The following TET3 variants were observed in gnomAD, a reference collection of about 807,000 sequenced individuals.
TET3 encodes the protein methylcytosine dioxygenase TET3.
A neutral mutation model predicts 141.4 loss-of-function variants in TET3; 19 were observed. The observed-to-expected ratio is 0.13, with a 90% CI of 0.09 to 0.20. The LOEUF (loss-of-function observed/expected upper bound fraction) is 0.20. Ranked by LOEUF, TET3 falls within the 10% of genes least tolerant of loss-of-function variation. The probability of loss-of-function intolerance (pLI) is 1.00; values close to 1 mark genes in which losing one functional copy is unlikely to be tolerated. For missense variants in TET3, 1,874 were observed against 2,356.9 expected, an observed-to-expected ratio of 0.80 and a Z score of 4.24; for synonymous variants, 1,043 against 980.9, an observed-to-expected ratio of 1.06 and a Z score of -1.18.
Position 74,046,250 on chromosome 2 carries a change from C to CT in TET3, c.361-28_361-27insT. On this transcript the variant is annotated intron_variant, in intron 3 of 11. Transcript: ENST00000409262. This position sits in a 1 kb window ranked among gnomAD's most constrained non-coding sequence, Gnocchi z 4.3. ...TTCAAATAGTGTGGTTCATTTTTTT[C>CT]CTTTTTCCCCCTTCTCTCTCTCTTT... is the stretch of plus-strand genomic sequence containing the variant. 6.8e-7 allele frequency: 1 copy of CT among 1,463,492 alleles called. No homozygotes were observed. The highest frequency in any genetic ancestry group is 9.0e-7 in the Non-Finnish European group (1 of 1,109,372). The allele number at this position is 1,463,492 out of a possible 1,614,324, so 90.7% of individuals were successfully genotyped here. A position where few individuals can be genotyped will look rare whatever the true frequency, so the allele number is the denominator to read the frequency against.
At chr2:74,126,500 A>ATTTT in the TET3 span, among the ~76,000 whole-genome samples, 918 of 120,924 alleles carry the variant, frequency 7.6e-3, 36 homozygotes, top group African/African-American at 0.02. Flanking sequence ...TATTTGCTGG[A>ATTTT]TTTTTTTTTT....
intron 3 of TET3, among the ~76,000 whole-genome samples, chr2:74,004,436 G>A (rs746103130): frequency 6.6e-6 from 1 of 152,164 alleles, no homozygotes; most frequent in Non-Finnish European, 1.5e-5. Context: ...CTTCCCACGT[G>A]GGGGATAGGG....
chr2:74,109,216 T>C (rs548177971), downstream of TET3, among the ~76,000 whole-genome samples: 2 of 152,316 alleles, frequency 1.3e-5, no homozygotes, highest in East Asian at 3.9e-4. Context: ...TCACTATTGG[T>C]TAGCTATAAA....
intron 6 of TET3, among the ~76,000 whole-genome samples, chr2:74,085,727 G>C (rs540450787): frequency 1.3e-5 from 2 of 152,208 alleles, no homozygotes; most frequent in African/African-American, 4.8e-5. Flanking sequence ...ACCTCCTGCC[G>C]TGCAGCCCAG....
rs2104272863 is a variant in TET3 at position 74,106,119 on chromosome 2, G to A, written c.*3943G>A. ...TTTTTTTTTTCCCTCCCCTCTTTTG[G>A]TGCTGTCTTAGACCCGTTTACCGTG... is the stretch of plus-strand genomic sequence containing the variant. On this transcript the variant is annotated 3_prime_UTR_variant, in exon 12 of 12. Transcript: ENST00000409262. The A allele has an allele frequency of 6.6e-6, 1 of 151,464 alleles. No homozygotes were observed. Among genetic ancestry groups the A allele is most frequent in the South Asian group, 2.1e-4 (1 of 4,798 alleles). 9.4% of individuals were successfully genotyped at this position (151,464 alleles called of 1,614,324 possible). A position where few individuals can be genotyped will look rare whatever the true frequency, so the allele number is the denominator to read the frequency against.
downstream of TET3, among the ~76,000 whole-genome samples, chr2:74,113,078 T>C (rs576519466): frequency 1.4e-4 from 20 of 147,866 alleles, no homozygotes; most frequent in Non-Finnish European, 2.2e-4. Flanking sequence ...GCTGAAAGCT[T>C]TTCCTCTGAG....
intron 6 of TET3, among the ~76,000 whole-genome samples, chr2:74,085,890 C>T (rs1232943399): frequency 6.6e-6 from 1 of 152,236 alleles, no homozygotes; most frequent in Non-Finnish European, 1.5e-5. Flanking sequence ...GTGTGGAAGT[C>T]ACTCAGGGTT....
chr2:74,123,750 C>A, the TET3 span, among the ~76,000 whole-genome samples: 2 of 151,366 alleles, frequency 1.3e-5, no homozygotes, highest in Non-Finnish European at 2.9e-5. Flanking sequence ...CCCTTCTGAC[C>A]GGCTGCCCAG....
chr2:74,047,682 C>T lies in TET3; in HGVS notation c.1765C>T (p.Pro589Ser). Residue 589 changes from proline (P) to serine (S), a missense_variant, in exon 4 of 12, where the codon CCC becomes TCC. Physicochemically the swap from Pro to Ser is moderately conservative, Grantham distance 74. Coordinates refer to ENST00000409262, the MANE Select transcript of TET3 (RefSeq NM_001287491.2). ...KKKLPTPAGG[P>S]VGTEKAAPGI... ...GAAGCTCCCAACACCAGCTGGAGGT[C>T]CCGTGGGAACGGAGAAAGCTGCCCC... 1 of 1,613,290 alleles carries T rather than the reference C, an allele frequency of 6.2e-7. No homozygotes were observed.
intron 10 of TET3, among the ~76,000 whole-genome samples, chr2:74,098,987 C>T (rs1460435622): frequency 2.6e-5 from 4 of 152,230 alleles, no homozygotes; most frequent in Non-Finnish European, 4.4e-5. Flanking sequence ...GAGCAAGCCT[C>T]CAGGTCCTGG....
At chr2:74,131,604 G>T in the TET3 span, among the ~76,000 whole-genome samples, 1 of 152,126 alleles carries the variant, frequency 6.6e-6, no homozygotes, top group Admixed American at 6.5e-5. Flanking sequence ...CCCAGGGGAG[G>T]GCTGTGGAGC....
At chr2:74,061,604 C>T (rs1456129172) in intron 4 of TET3, among the ~76,000 whole-genome samples, 1 of 150,544 alleles carries the variant, frequency 6.6e-6, no homozygotes, top group Admixed American at 6.6e-5. Context: ...GCTGACCCCC[C>T]CCACCTCCCT....
the TET3 span, among the ~76,000 whole-genome samples, chr2:74,113,646 A>T: frequency 6.6e-6 from 1 of 152,160 alleles, no homozygotes; most frequent in Non-Finnish European, 1.5e-5. Flanking sequence ...ATTTCCATAC[A>T]TGTACAACAA....
At chr2:74,109,030 T>TCAAA (rs1691640007), downstream of TET3, among the ~76,000 whole-genome samples, 1 of 152,128 alleles carries the variant, frequency 6.6e-6, no homozygotes, top group African/African-American at 2.4e-5. Context: ...CCAGGGATCC[T>TCAAA]CAAACATGTT....
intron 10 of TET3, among the ~76,000 whole-genome samples, chr2:74,095,709 A>G (rs1175946754): frequency 6.6e-6 from 1 of 152,236 alleles, no homozygotes; most frequent in Non-Finnish European, 1.5e-5. Context: ...CCGAGGCTGT[A>G]TGTATGGCTC....
At chr2:73,987,250 C>T (rs1490266420) in intron 2 of TET3, among the ~76,000 whole-genome samples, 2 of 152,162 alleles carry the variant, frequency 1.3e-5, no homozygotes. Context: ...CTTAGTTCTT[C>T]TTGCGGTCAA....
chr2:74,021,960 T>C (rs553979508), intron 3 of TET3, among the ~76,000 whole-genome samples: 63 of 152,312 alleles, frequency 4.1e-4, no homozygotes, highest in Middle Eastern at 3.4e-3. Flanking sequence ...TTTTTGCCAT[T>C]GTCTATTACA....
At chr2:74,117,963 C>T in the TET3 span, among the ~76,000 whole-genome samples, 1 of 152,140 alleles carries the variant, frequency 6.6e-6, no homozygotes, top group Non-Finnish European at 1.5e-5. Flanking sequence ...CCAGGCTGGT[C>T]TCGAACTCCT....
At chr2:74,012,397 C>G (rs1463956466) in intron 3 of TET3, among the ~76,000 whole-genome samples, 1 of 152,060 alleles carries the variant, frequency 6.6e-6, no homozygotes, top group East Asian at 1.9e-4. Flanking sequence ...TGTGTAATAA[C>G]TAGCAGTCAT....
Sources: gnomAD v4.1 joint callset for allele counts (sites outside exome capture counted in the v4.1 genomes callset) on GRCh38, gnomAD v4.1.1 for gene constraint, Gnocchi (gnomAD v3.1) non-coding constraint, MANE v1.5 for transcripts, NCBI Gene and HGNC (gene_info 2026-07-23, HGNC 2026-07-21) for gene names.